Variants in LRP2BP observed in about 807,000 individuals in gnomAD.
LRP2BP encodes LRP2-binding protein.
A neutral mutation model predicts 45.2 loss-of-function variants in LRP2BP; 38 were observed. That is an observed-to-expected ratio of 0.84 (90% CI 0.65 to 1.10). LRP2BP has a LOEUF of 1.10. Among genes scored for constraint, LRP2BP ranks in the 50% least tolerant of loss-of-function variants. The probability of loss-of-function intolerance (pLI) is 0.00; values close to 1 mark genes in which losing one functional copy is unlikely to be tolerated. For missense variants in LRP2BP, 385 were observed against 418.9 expected (o/e 0.92, Z 0.71); for synonymous variants, 153 against 153.9 (o/e 0.99, Z 0.04).
chr4:185,374,457 T>C lies in LRP2BP; in HGVS notation c.335A>G (p.Lys112Arg). The C allele has an allele frequency of 6.2e-7, 1 of 1,604,808 alleles. No homozygotes were observed. Among genetic ancestry groups the C allele is most frequent in the East Asian group, 2.2e-5 (1 of 44,850 alleles). Residue 112 changes from lysine to arginine, a missense_variant, in exon 5 of 9, where the codon AAA becomes AGA. Physicochemically the swap from Lys to Arg is conservative, Grantham distance 26. Coordinates refer to ENST00000505916, the MANE Select transcript of LRP2BP (RefSeq NM_001377440.1). Reference protein sequence around the residue: ...DGLGTTLDAEKGVDYMKKILD... With the variant: ...DGLGTTLDAERGVDYMKKILD... ...AATTTTCTTCATATAGTCCACCCCTTTCTCCTTCGACAAAAGAAAGAGCAA... is the reference window on the plus strand; with the variant it reads ...AATTTTCTTCATATAGTCCACCCCTCTCTCCTTCGACAAAAGAAAGAGCAA...
chr4:185,376,983 G>A lies in LRP2BP; in HGVS notation c.142C>T (p.Gln48Ter), dbSNP rs758039284. 4 of 1,613,788 alleles carry A rather than the reference G, an allele frequency of 2.5e-6. No individual in the cohort carries two copies. In the South Asian group the frequency reaches 3.3e-5, roughly 13 times the overall value. The change falls in exon 3 of 9, where the codon CAG (glutamine) becomes TAG (stop). Residue 48 changes from glutamine to a stop codon, truncating the protein, a stop_gained. Transcript: ENST00000505916. LOFTEE classifies it high-confidence loss of function. ...THANLVDKAL[Q>*]LLKERILKGD... ...TTCAGTATTCTTTCCTTCAAGAGCTGCAATGCCTTATCCACCAAATTAGCA... is the reference window on the plus strand; with the variant it reads ...TTCAGTATTCTTTCCTTCAAGAGCTACAATGCCTTATCCACCAAATTAGCA...
intron 8 of LRP2BP, among the ~76,000 whole-genome samples, chr4:185,367,556 C>T (rs187554096): frequency 7.2e-5 from 11 of 152,284 alleles, no homozygotes; most frequent in Non-Finnish European, 1.5e-4. Flanking sequence ...AGAGCATTAA[C>T]ATTTGGCCTC....
At chr4:185,367,920 C>G (rs970879073) in intron 8 of LRP2BP, among the ~76,000 whole-genome samples, 1 of 152,194 alleles carries the variant, frequency 6.6e-6, no homozygotes, top group South Asian at 2.1e-4. Context: ...TAGCTCACAC[C>G]TGTAATCCCA....
At chr4:185,397,249 C>A, upstream of LRP2BP, 1 of 1,614,150 alleles carries the variant, frequency 6.2e-7, no homozygotes, top group Non-Finnish European at 8.5e-7. Flanking sequence ...AGGAAGCGGC[C>A]TTGCTTGCTT....
chr4:185,372,581 C>T (rs1412936850), intron 7 of LRP2BP, among the ~76,000 whole-genome samples: 1 of 152,106 alleles, frequency 6.6e-6, no homozygotes, highest in Non-Finnish European at 1.5e-5. Context: ...CTTGGAAATC[C>T]CAGTGTTGCT....
At chr4:185,386,010 G>A (rs2095470833) in intron 1 of LRP2BP, among the ~76,000 whole-genome samples, 1 of 152,140 alleles carries the variant, frequency 6.6e-6, no homozygotes, top group Non-Finnish European at 1.5e-5. Flanking sequence ...GGAAGATACA[G>A]ATTTCAATTT....
At chr4:185,371,928 C>G (rs2095417481) in intron 7 of LRP2BP, among the ~76,000 whole-genome samples, 1 of 152,136 alleles carries the variant, frequency 6.6e-6, no homozygotes, top group Non-Finnish European at 1.5e-5. Flanking sequence ...TTGGGAAACA[C>G]CAGCACACGC....
chr4:185,384,124 C>G (rs911557258), intron 1 of LRP2BP, among the ~76,000 whole-genome samples: 2 of 152,082 alleles, frequency 1.3e-5, no homozygotes, highest in African/African-American at 4.8e-5. Context: ...AGGTGGAGCC[C>G]TGGGGAGTGA....
At chr4:185,391,827 GTTCA>G (rs924354156) in intron 1 of LRP2BP, among the ~76,000 whole-genome samples, 3 of 152,188 alleles carry the variant, frequency 2.0e-5, no homozygotes, top group Non-Finnish European at 4.4e-5. Context: ...TACTGGGTGT[GTTCA>G]TTGTTACTGC....
Position 185,378,161 on chromosome 4 carries a change from G to C in LRP2BP, c.26C>G (p.Pro9Arg). 3 of 1,613,828 alleles carry C rather than the reference G, an allele frequency of 1.9e-6. No homozygotes were observed. Among genetic ancestry groups the C allele is most frequent in the Non-Finnish European group, 2.5e-6 (3 of 1,179,938 alleles). The part of the protein sequence containing the change: MKLTSEKL[P>R]KNPFYASVSQ... ...TACAGAGGCATAAAAGGGGTTCTTG[G>C]GCAACTTTTCACTGGTCAACTTCAT... is the stretch of plus-strand genomic sequence containing the variant. Residue 9 changes from proline (P) to arginine (R), a missense_variant, in exon 2 of 9, where the codon CCC becomes CGC. By Grantham distance (103) the Pro-to-Arg change is moderately radical (BLOSUM62 -2). Coordinates refer to ENST00000505916, the MANE Select transcript of LRP2BP (RefSeq NM_001377440.1).
In LRP2BP at chr4:185,365,874, T is replaced by A. The variant is rs2095386478; in HGVS notation, c.*1306A>T. 1 of 152,122 alleles carries A rather than the reference T, an allele frequency of 6.6e-6. No homozygotes were observed. Among genetic ancestry groups the A allele is most frequent in the Non-Finnish European group, 1.5e-5 (1 of 68,018 alleles). The allele number at this position is 152,122 out of a possible 1,614,324, so 9.4% of individuals were successfully genotyped here. The stretch of plus-strand genomic sequence containing the variant: ...TCAAACCCGAGTCTGTTGAAATTTC[T>A]TCCCTTACACAAAGACAAAATGAAG... On this transcript the variant is annotated 3_prime_UTR_variant, in exon 9 of 9. Transcript: ENST00000505916.
At chr4:185,396,014 G>T (rs2095501395), upstream of LRP2BP, 2 of 628,390 alleles carry the variant, frequency 3.2e-6, no homozygotes, top group Non-Finnish European at 4.0e-6. Flanking sequence ...CACCCGCGGG[G>T]CCGGACAGCG....
chr4:185,368,335 G>A (rs1180660426), intron 8 of LRP2BP, among the ~76,000 whole-genome samples: 1 of 152,172 alleles, frequency 6.6e-6, no homozygotes, highest in East Asian at 1.9e-4. Flanking sequence ...AGAGCCGAGA[G>A]CAGGCCTGGG....
intron 1 of LRP2BP, among the ~76,000 whole-genome samples, chr4:185,383,584 A>G (rs931741558): frequency 1.3e-5 from 2 of 152,346 alleles, no homozygotes; most frequent in African/African-American, 4.8e-5. Flanking sequence ...CGAGGCTGCC[A>G]TCTTTACAAG....
chr4:185,367,118 T>C lies in LRP2BP; in HGVS notation c.*62A>G. ...GTGCAAAATAACCAAACATAGCTAC[T>C]GTAAAAATACACACATTGTGAGGTG... On this transcript the variant is annotated 3_prime_UTR_variant, in exon 9 of 9. Transcript: ENST00000505916. The C allele has an allele frequency of 2.2e-6, 3 of 1,371,452 alleles. No individual in the cohort carries two copies. The highest frequency in any genetic ancestry group is 3.1e-6 in the Non-Finnish European group (3 of 970,362). The allele number at this position is 1,371,452 out of a possible 1,614,324, so 85.0% of individuals were successfully genotyped here. A position where few individuals can be genotyped will look rare whatever the true frequency, so the allele number is the denominator to read the frequency against.
rs1223191768 is a variant in LRP2BP, at chr4:185,395,132, G to A, written c.-375C>T. The A allele has an allele frequency of 5.1e-6, 5 of 985,236 alleles. No individual in the cohort carries two copies. Among genetic ancestry groups the A allele is most frequent in the Non-Finnish European group, 6.0e-6 (5 of 829,922 alleles). 61.0% of individuals were successfully genotyped at this position (985,236 alleles called of 1,614,324 possible). A position where few individuals can be genotyped will look rare whatever the true frequency, so the allele number is the denominator to read the frequency against. On this transcript the variant is annotated 5_prime_UTR_variant, in exon 1 of 9. Transcript: ENST00000505916. Reference sequence around the variant, plus strand: ...AATGTGAGCAATGGACAGGTACGCTGTGATTAAAGGGAGAAAAGCTGTAAC... The same window carrying A: ...AATGTGAGCAATGGACAGGTACGCTATGATTAAAGGGAGAAAAGCTGTAAC...
chr4:185,395,319 C>T lies in LRP2BP; in HGVS notation c.-562G>A, dbSNP rs1305409526. 3 of 985,226 alleles carry T rather than the reference C, an allele frequency of 3.0e-6. No homozygotes were observed. The highest frequency in any genetic ancestry group is 2.4e-6 in the Non-Finnish European group (2 of 829,886). The allele number at this position is 985,226 out of a possible 1,614,324, so 61.0% of individuals were successfully genotyped here. ...AATATCCCACTACATATGCTAACTG[C>T]AGTATTTATGTTCAAAACTGTAAGA... On this transcript the variant is annotated 5_prime_UTR_variant, in exon 1 of 9. Transcript: ENST00000505916.
chr4:185,373,130 T>A, intron 6 of LRP2BP, 51 bp from the exon 7 acceptor site: 1 of 1,483,394 alleles, frequency 6.7e-7, no homozygotes. Context: ...TAGATGAAAT[T>A]ATAAGGGAAT....
chr4:185,396,736 T>G, upstream of LRP2BP: 1 of 617,486 alleles, frequency 1.6e-6, no homozygotes, highest in African/African-American at 1.8e-5. Flanking sequence ...GTCCGGGTCG[T>G]TGAGGATTAG....
Sources: gnomAD v4.1 joint callset for allele counts (sites outside exome capture counted in the v4.1 genomes callset) on GRCh38, gnomAD v4.1.1 for gene constraint, MANE v1.5 for transcripts, NCBI Gene and HGNC (gene_info 2026-07-23, HGNC 2026-07-21) for gene names.